Variants in GRM8 observed in about 807,000 individuals in gnomAD.
GRM8 encodes metabotropic glutamate receptor 8.
Under a neutral mutation model 87.2 loss-of-function variants are expected in GRM8, and 47 were observed. The observed-to-expected ratio is 0.54, with a 90% CI of 0.43 to 0.69. The LOEUF (loss-of-function observed/expected upper bound fraction) is 0.69, where lower values mean the gene tolerates loss of function less well. Among genes scored for constraint, GRM8 ranks in the 30% least tolerant of loss-of-function variants. The probability of loss-of-function intolerance (pLI) is 0.00; values close to 1 mark genes in which losing one functional copy is unlikely to be tolerated. For missense variants in GRM8, 1,019 were observed against 1,139.2 expected, an observed-to-expected ratio of 0.89 and a Z score of 1.52; for synonymous variants, 396 against 404.5, an observed-to-expected ratio of 0.98 and a Z score of 0.25.
intron 8 of GRM8, among the ~76,000 whole-genome samples, chr7:126,583,370 T>C (rs1280236318): frequency 1.5e-5 from 2 of 136,960 alleles, no homozygotes; most frequent in Non-Finnish European, 3.3e-5. Flanking sequence ...CACACACACA[T>C]AAAATAATAA....
At chr7:127,028,817 T>G (rs1817069213) in intron 3 of GRM8, among the ~76,000 whole-genome samples, 1 of 152,110 alleles carries the variant, frequency 6.6e-6, no homozygotes, top group South Asian at 2.1e-4. Flanking sequence ...GGGTTTTTTT[T>G]GTGTGTCTCT....
chr7:126,819,783 T>C lies in GRM8; in HGVS notation c.1157-49718A>G, dbSNP rs1794136286. Among the ~76,000 whole-genome samples the C allele has an allele frequency of 2.6e-5, 4 of 152,004 alleles. No homozygotes were observed. The South Asian group carries it at 8.3e-4, about 31-fold the overall frequency. On this transcript the variant is annotated intron_variant, in intron 6 of 10. Coordinates refer to ENST00000339582, the MANE Select transcript of GRM8 (RefSeq NM_000845.3). ...AGAAATACTAGTAGGAAATAAAAAGTCACATTTATATCATGTTGGGGAATG... is the reference window on the plus strand; with the variant it reads ...AGAAATACTAGTAGGAAATAAAAAGCCACATTTATATCATGTTGGGGAATG...
At chr7:126,716,528 C>A (rs937593641) in intron 7 of GRM8, among the ~76,000 whole-genome samples, 1 of 152,118 alleles carries the variant, frequency 6.6e-6, no homozygotes, top group Non-Finnish European at 1.5e-5. Context: ...GCTGCTAGAA[C>A]GTATGACTTC....
At chr7:126,455,251 G>A (rs1293716664) in intron 9 of GRM8, among the ~76,000 whole-genome samples, 3 of 151,582 alleles carry the variant, frequency 2.0e-5, no homozygotes, top group Non-Finnish European at 4.4e-5. Flanking sequence ...CTTTTGAAAA[G>A]TCATACAATA....
At chr7:126,986,670 T>C (rs1478008210) in intron 3 of GRM8, among the ~76,000 whole-genome samples, 1 of 152,150 alleles carries the variant, frequency 6.6e-6, no homozygotes, top group Non-Finnish European at 1.5e-5. Flanking sequence ...TTCCTCTCAG[T>C]AGAGGAGACT....
chr7:126,759,822 A>C (rs1817407983), intron 7 of GRM8, among the ~76,000 whole-genome samples: 1 of 152,194 alleles, frequency 6.6e-6, no homozygotes, highest in African/African-American at 2.4e-5. Flanking sequence ...ATCACCTTAC[A>C]TTTAAACTTC....
rs1335585569 is a variant in GRM8, at chr7:126,781,763, T to TG, written c.1157-11699dup. 3.3e-5 allele frequency among the ~76,000 whole-genome samples: 5 copies of TG among 152,312 alleles called. No individual in the cohort carries two copies. The East Asian group carries it at 9.7e-4, about 29-fold the overall frequency. On this transcript the variant is annotated intron_variant, in intron 6 of 10. Transcript: ENST00000339582. ...CAGGGTCTCACTCTGTCACCCAGACTGGAGTGCAGTGGTGTGATCAAGGCT... is the reference window on the plus strand; with the variant it reads ...CAGGGTCTCACTCTGTCACCCAGACTGGGAGTGCAGTGGTGTGATCAAGGCT...
intron 9 of GRM8, among the ~76,000 whole-genome samples, chr7:126,450,377 T>A (rs1005030799): frequency 2.0e-5 from 3 of 151,872 alleles, no homozygotes; most frequent in Admixed American, 2.0e-4. Context: ...TATTCCTGAC[T>A]ATTTCTGTTT....
At chr7:126,964,346 G>A (rs1204580) in intron 3 of GRM8, among the ~76,000 whole-genome samples, 116,953 of 152,174 alleles carry the variant, frequency 0.77, 45,303 homozygotes, top group East Asian at 0.97. Flanking sequence ...CTGCACAGCA[G>A]AAGAAACTAT....
chr7:127,248,225 G>A (rs1798680229), intron 1 of GRM8, among the ~76,000 whole-genome samples: 1 of 152,210 alleles, frequency 6.6e-6, no homozygotes, highest in South Asian at 2.1e-4. Context: ...CTTACTGATT[G>A]CCTGCAGTGT....
intron 6 of GRM8, among the ~76,000 whole-genome samples, chr7:126,796,990 C>A (rs1822020208): frequency 6.6e-6 from 1 of 152,058 alleles, no homozygotes; most frequent in Non-Finnish European, 1.5e-5. Context: ...ATTTCAGGAT[C>A]AGAAGTGCGC....
chr7:126,588,769 T>C (rs1190098501), intron 8 of GRM8, among the ~76,000 whole-genome samples: 3 of 152,092 alleles, frequency 2.0e-5, no homozygotes, highest in African/African-American at 7.2e-5. Flanking sequence ...AGCAGATTGC[T>C]CCTGCAGGAC....
At chr7:126,575,627 A>C (rs961217025) in intron 8 of GRM8, among the ~76,000 whole-genome samples, 1 of 152,066 alleles carries the variant, frequency 6.6e-6, no homozygotes, top group Non-Finnish European at 1.5e-5. Context: ...GGTAAGAAAA[A>C]AAATTTAACC....
chr7:126,584,369 C>A (rs538406835), intron 8 of GRM8, among the ~76,000 whole-genome samples: 1 of 152,012 alleles, frequency 6.6e-6, no homozygotes, highest in Non-Finnish European at 1.5e-5. Context: ...GAATTACAGG[C>A]ACACGCCACC....
rs555250534 is a variant in GRM8 at position 126,685,155 on chromosome 7, G to A, written c.1358-75657C>T. Among the ~76,000 whole-genome samples, 3 of 152,186 alleles carry A rather than the reference G, an allele frequency of 2.0e-5. No homozygotes were observed. Among genetic ancestry groups the A allele is most frequent in the Non-Finnish European group, 4.4e-5 (3 of 68,020 alleles). ...TGCCACTCTTGACAGCCACTGCTAT[G>A]GGGAGTTCATGGGGAAGAGGCGAAT... On this transcript the variant is annotated intron_variant, in intron 7 of 10. Transcript: ENST00000339582. This position sits in a 1 kb window ranked among gnomAD's most constrained non-coding sequence, Gnocchi z 4.2.
chr7:126,853,125 C>T (rs950895769), intron 6 of GRM8, among the ~76,000 whole-genome samples: 7 of 152,170 alleles, frequency 4.6e-5, no homozygotes, highest in African/African-American at 1.7e-4. Context: ...ACCAGTAGTA[C>T]TTGCTTCCTC....
intron 7 of GRM8, among the ~76,000 whole-genome samples, chr7:126,689,611 C>G (rs1258301169): frequency 6.6e-6 from 1 of 151,884 alleles, no homozygotes. Context: ...AGGTTGGGAT[C>G]TAGGGGGTGG....
At chr7:126,717,861 T>C (rs1217680022) in intron 7 of GRM8, among the ~76,000 whole-genome samples, 1 of 152,130 alleles carries the variant, frequency 6.6e-6, no homozygotes, top group Non-Finnish European at 1.5e-5. Context: ...TCTAAACTCT[T>C]TGCTTATTTC....
chr7:127,151,722 A>G (rs1440843219), intron 2 of GRM8, among the ~76,000 whole-genome samples: 1 of 152,110 alleles, frequency 6.6e-6, no homozygotes, highest in Non-Finnish European at 1.5e-5. Context: ...AATCTCAGAG[A>G]AAAATCTCTT....
Sources: allele counts gnomAD v4.1 joint callset (sites outside exome capture counted in the v4.1 genomes callset), GRCh38; gene constraint gnomAD v4.1.1; non-coding constraint Gnocchi (gnomAD v3.1); transcripts MANE v1.5; gene names NCBI Gene and HGNC (gene_info 2026-07-23, HGNC 2026-07-21).